Variants in LARGE1 observed in about 807,000 individuals in gnomAD.
LARGE1 encodes the protein LARGE xylosyl- and glucuronyltransferase 1.
LARGE1 carries 43 observed loss-of-function variants against 87.6 expected under a neutral mutation model. The observed-to-expected ratio is 0.49, with a 90% CI of 0.38 to 0.63. The LOEUF is 0.63. Ranked by LOEUF, LARGE1 falls within the 30% of genes least tolerant of loss-of-function variation. The pLI is 0.00. For missense variants in LARGE1, 802 were observed against 1,000.2 expected (o/e 0.80, Z 2.67); for synonymous variants, 434 against 394.6 (o/e 1.10, Z -1.18).
the LARGE1 span, among the ~76,000 whole-genome samples, chr22:33,084,187 C>A: frequency 6.6e-6 from 1 of 152,186 alleles, no homozygotes; most frequent in African/African-American, 2.4e-5. Context: ...TCAAAGAAGT[C>A]CTCCTTGGTT....
chr22:33,276,345 T>C (rs552246148), intron 14 of LARGE1, among the ~76,000 whole-genome samples: 4 of 152,344 alleles, frequency 2.6e-5, no homozygotes, highest in African/African-American at 9.6e-5. Context: ...TTCATGTTTT[T>C]GTACACAAAG....
At chr22:33,278,553 T>TCTCTCTCACA (rs1304691630) in intron 13 of LARGE1, among the ~76,000 whole-genome samples, 1 of 148,670 alleles carries the variant, frequency 6.7e-6, no homozygotes, top group South Asian at 2.1e-4. Flanking sequence ...TCTCTCTCTC[T>TCTCTCTCACA]CACACACACA....
chr22:33,588,067 C>T (rs564639627), intron 5 of LARGE1, among the ~76,000 whole-genome samples: 2 of 152,260 alleles, frequency 1.3e-5, no homozygotes, highest in East Asian at 3.9e-4. Flanking sequence ...GGGAATCCTC[C>T]GTGCTGAATG....
the LARGE1 span, among the ~76,000 whole-genome samples, chr22:33,154,428 T>C: frequency 7.9e-5 from 12 of 152,038 alleles, no homozygotes; most frequent in African/African-American, 2.4e-4. Flanking sequence ...TTTGTAGACA[T>C]AGGGTTTCAC....
chr22:33,375,335 TTTACGGTAA>T (rs1183412222), intron 9 of LARGE1, among the ~76,000 whole-genome samples: 1 of 152,184 alleles, frequency 6.6e-6, no homozygotes, highest in Non-Finnish European at 1.5e-5. Context: ...ATTCTTATTT[TTTACGGTAA>T]TATGGTTATT....
intron 6 of LARGE1, among the ~76,000 whole-genome samples, chr22:33,462,715 A>G (rs962287302): frequency 2.8e-4 from 42 of 152,338 alleles, no homozygotes; most frequent in African/African-American, 1.0e-3. Context: ...CAGGAGGCAG[A>G]GGCTTCAGTG....
chr22:33,829,000 C>CTTTTTTTTTTTT (rs1362969628), intron 1 of LARGE1, among the ~76,000 whole-genome samples: 1 of 106,198 alleles, frequency 9.4e-6, no homozygotes, highest in Non-Finnish European at 1.9e-5. Context: ...TGTGAAGTCT[C>CTTTTTTTTTTTT]TTTTTCTTTT....
At chr22:33,555,199 A>G (rs2077639399) in intron 6 of LARGE1, among the ~76,000 whole-genome samples, 2 of 152,184 alleles carry the variant, frequency 1.3e-5, no homozygotes, top group Non-Finnish European at 1.5e-5. Context: ...ATGTCCACAG[A>G]TGATGTGCAA....
At chr22:33,352,104 A>C (rs1940445210) in intron 9 of LARGE1, among the ~76,000 whole-genome samples, 2 of 152,214 alleles carry the variant, frequency 1.3e-5, no homozygotes, top group South Asian at 2.1e-4. Context: ...AATGGCTAAC[A>C]TCCCTAGTAA....
At chr22:33,844,004 G>T (rs955734579) in intron 1 of LARGE1, among the ~76,000 whole-genome samples, 1 of 151,506 alleles carries the variant, frequency 6.6e-6, no homozygotes, top group African/African-American at 2.4e-5. Flanking sequence ...GCTTGAACCC[G>T]GGAGGCGGAG....
At chr22:33,551,752 T>C (rs369552568) in intron 6 of LARGE1, among the ~76,000 whole-genome samples, 11 of 152,268 alleles carry the variant, frequency 7.2e-5, no homozygotes, top group African/African-American at 2.2e-4. Context: ...GCATCCACAA[T>C]AGCTGTGTCT....
chr22:33,440,805 T>C (rs2413186), intron 6 of LARGE1, among the ~76,000 whole-genome samples: 96,274 of 151,990 alleles, frequency 0.63, 32,164 homozygotes, highest in African/African-American at 0.86. Flanking sequence ...TCTGAACCTG[T>C]GTGTTTCACA....
At chr22:33,102,911 A>T in the LARGE1 span, among the ~76,000 whole-genome samples, 1 of 152,060 alleles carries the variant, frequency 6.6e-6, no homozygotes, top group South Asian at 2.1e-4. Flanking sequence ...CATTTCCTGG[A>T]TAACAAGGGA....
At position 33,329,831 on chromosome 22, in the gene LARGE1, G is replaced by A. The variant is rs1000408575; in HGVS notation, c.1287+7815C>T. Among the ~76,000 whole-genome samples, 3 of 152,140 alleles carry A rather than the reference G, an allele frequency of 2.0e-5. No individual in the cohort carries two copies. In the South Asian group the frequency reaches 6.2e-4, roughly 32 times the overall value. On this transcript the variant is annotated intron_variant, in intron 10 of 14. Transcript: ENST00000397394. The stretch of plus-strand genomic sequence containing the variant: ...TTCCTTTAGTTGGAAATTCCCTTAG[G>A]TGGAGCAAGACCCTCTTGATGATAA...
intron 2 of LARGE1, among the ~76,000 whole-genome samples, chr22:33,669,836 C>G (rs977907743): frequency 3.3e-5 from 5 of 152,242 alleles, no homozygotes; most frequent in Middle Eastern, 6.3e-3. Flanking sequence ...GCAAGTTATA[C>G]CTACAATTTC....
In LARGE1 at chr22:33,553,226, C is replaced by T. The variant is rs147386734; in HGVS notation, c.787+11622G>A. Among the ~76,000 whole-genome samples, 124 of 152,252 alleles carry T rather than the reference C, an allele frequency of 8.1e-4. 1 individual carries two copies. The East Asian group carries it at 0.019, about 24-fold the overall frequency. Reference sequence around the variant, plus strand: ...TTGTGATTACAATAAAATGACTCAGCGGGGCACAGTGGCTCACGCCTGTAA... The same window carrying T: ...TTGTGATTACAATAAAATGACTCAGTGGGGCACAGTGGCTCACGCCTGTAA... On this transcript the variant is annotated intron_variant, in intron 6 of 14. Coordinates refer to ENST00000397394, the MANE Select transcript of LARGE1 (RefSeq NM_133642.5).
intron 6 of LARGE1, among the ~76,000 whole-genome samples, chr22:33,539,982 T>A (rs966577049): frequency 1.3e-5 from 2 of 152,130 alleles, no homozygotes; most frequent in African/African-American, 4.8e-5. Flanking sequence ...TGACCTCAGA[T>A]GCCTGTGGGG....
intron 12 of LARGE1, among the ~76,000 whole-genome samples, chr22:33,283,835 A>C (rs1240149340): frequency 7.0e-6 from 1 of 142,790 alleles, no homozygotes; most frequent in African/African-American, 3.1e-5. Context: ...AAGAAAGGAA[A>C]GAAAAGAAAA....
chr22:33,392,310 A>G (rs1224512700), intron 7 of LARGE1, among the ~76,000 whole-genome samples: 1 of 152,124 alleles, frequency 6.6e-6, no homozygotes, highest in Non-Finnish European at 1.5e-5. Flanking sequence ...TCAGATCCTT[A>G]TTTGTAATAT....
Sources: allele counts gnomAD v4.1 joint callset (sites outside exome capture counted in the v4.1 genomes callset), GRCh38; gene constraint gnomAD v4.1.1; transcripts MANE v1.5; gene names NCBI Gene and HGNC (gene_info 2026-07-23, HGNC 2026-07-21).